Variants in CAP2 observed in about 807,000 individuals in gnomAD.
CAP2 encodes the protein adenylyl cyclase-associated protein 2.
In CAP2, 24 loss-of-function variants were observed where a neutral mutation model predicts 57.7. That is an observed-to-expected ratio of 0.42 (90% CI 0.30 to 0.58). The LOEUF is 0.58. CAP2 is among the 20% of genes least tolerant of loss of function. The pLI is 0.22. For missense variants in CAP2, 501 were observed against 590.3 expected (o/e 0.85, Z 1.57); for synonymous variants, 194 against 207.2 (o/e 0.94, Z 0.55).
chr6:17,517,450 A>G (rs1762296705), intron 7 of CAP2, among the ~76,000 whole-genome samples: 1 of 152,266 alleles, frequency 6.6e-6, no homozygotes, highest in South Asian at 2.1e-4. Context: ...TAAAGTGAAT[A>G]CTTATTATGT....
intron 3 of CAP2, among the ~76,000 whole-genome samples, chr6:17,461,735 G>C (rs187449556): frequency 6.6e-6 from 1 of 151,540 alleles, no homozygotes; most frequent in African/African-American, 2.4e-5. Context: ...GCTCACACCT[G>C]TGATCCCAGC....
intron 9 of CAP2, among the ~76,000 whole-genome samples, chr6:17,541,704 G>A (rs1359082589): frequency 6.8e-6 from 1 of 147,414 alleles, no homozygotes; most frequent in Non-Finnish European, 1.5e-5. Context: ...AAATATTTAA[G>A]ACAGTGTTGT....
intron 4 of CAP2, among the ~76,000 whole-genome samples, chr6:17,500,648 C>G (rs1247143490): frequency 6.6e-6 from 1 of 151,992 alleles, no homozygotes. Context: ...GCAAACTTAA[C>G]AGCCCCTATG....
chr6:17,396,007 A>T (rs1012444435), intron 1 of CAP2, among the ~76,000 whole-genome samples: 1 of 152,214 alleles, frequency 6.6e-6, no homozygotes, highest in African/African-American at 2.4e-5. Context: ...CTGAATAGCT[A>T]TCTCCAAAGA....
chr6:17,481,018 A>G (rs1476163254), intron 4 of CAP2, among the ~76,000 whole-genome samples: 2 of 139,730 alleles, frequency 1.4e-5, no homozygotes, highest in African/African-American at 5.5e-5. Context: ...AGGCTGGTCT[A>G]GAACTCCTGA....
chr6:17,427,158 A>G (rs1413554152), intron 3 of CAP2, among the ~76,000 whole-genome samples: 1 of 152,158 alleles, frequency 6.6e-6, no homozygotes. Context: ...GATGTGGGGA[A>G]GACAGTTCCA....
intron 11 of CAP2, 104 bp from the exon 12 acceptor site, chr6:17,551,360 G>C: frequency 1.0e-6 from 1 of 965,252 alleles, no homozygotes; most frequent in Admixed American, 2.3e-5. Context: ...CTAATGCTTG[G>C]TTAAGCCCAA....
chr6:17,513,746 T>TC lies in CAP2; in HGVS notation c.531-101dup. 1.3e-6 allele frequency: 1 copy of TC among 747,082 alleles called. No individual in the cohort carries two copies. Among genetic ancestry groups the TC allele is most frequent in the Non-Finnish European group, 2.3e-6 (1 of 427,918 alleles). The allele number at this position is 747,082 out of a possible 1,614,324, so 46.3% of individuals were successfully genotyped here. ...GGTTGCAAGGACGATTGCTCCGGGC[T>TC]CCAGGGCCCCTAGTCACTAGATAAC... is the stretch of plus-strand genomic sequence containing the variant. On this transcript the variant is annotated intron_variant, in intron 6 of 12. Coordinates refer to ENST00000229922, the MANE Select transcript of CAP2 (RefSeq NM_006366.3). This position sits in a 1 kb window ranked among gnomAD's most constrained non-coding sequence, Gnocchi z 4.3.
At chr6:17,499,508 A>C (rs1487301699) in intron 4 of CAP2, among the ~76,000 whole-genome samples, 1 of 152,022 alleles carries the variant, frequency 6.6e-6, no homozygotes, top group Non-Finnish European at 1.5e-5. Flanking sequence ...CCTCTGAAAG[A>C]CCAAGTCACC....
chr6:17,455,059 C>T (rs1298072192), intron 3 of CAP2, among the ~76,000 whole-genome samples: 1 of 152,136 alleles, frequency 6.6e-6, no homozygotes, highest in Non-Finnish European at 1.5e-5. Flanking sequence ...AGGCCACCAT[C>T]AAGTGATGGT....
intron 7 of CAP2, among the ~76,000 whole-genome samples, chr6:17,526,956 C>CTAA (rs1762525785): frequency 1.2e-5 from 1 of 80,114 alleles, no homozygotes; most frequent in Non-Finnish European, 2.3e-5. Flanking sequence ...GACTCTGTCT[C>CTAA]AAAAAAAAAA....
At chr6:17,408,129 C>T (rs1759033961) in intron 1 of CAP2, among the ~76,000 whole-genome samples, 1 of 152,080 alleles carries the variant, frequency 6.6e-6, no homozygotes, top group South Asian at 2.1e-4. Flanking sequence ...ATAAAGGATA[C>T]CTGAGACTCA....
intron 6 of CAP2, among the ~76,000 whole-genome samples, chr6:17,510,002 A>T (rs1366154818): frequency 1.3e-5 from 2 of 152,210 alleles, no homozygotes; most frequent in African/African-American, 4.8e-5. Flanking sequence ...ATATTGTATG[A>T]TTACATTTAT....
At chr6:17,480,952 A>ATTTTTTT (rs59581120) in intron 4 of CAP2, among the ~76,000 whole-genome samples, 4 of 70,726 alleles carry the variant, frequency 5.7e-5, no homozygotes, top group East Asian at 4.6e-4. Context: ...CTAATTTTGT[A>ATTTTTTT]TTTTTTTTTT....
In CAP2 at chr6:17,541,113, C is replaced by G. The variant is rs1561821889; in HGVS notation, c.967C>G (p.Pro323Ala). Reference sequence around the variant, plus strand: ...ATCTTATCCTTCTCAAAAACATGCCCCAGTGTTGGAGTTGGAAGGAAAGAA... The same window carrying G: ...ATCTTATCCTTCTCAAAAACATGCCGCAGTGTTGGAGTTGGAAGGAAAGAA... ...PKSYPSQKHAPVLELEGKKWR... is the reference protein window; with the variant it reads ...PKSYPSQKHAAVLELEGKKWR... Residue 323 changes from proline (P) to alanine (A), a missense_variant, in exon 9 of 13, where the codon CCA becomes GCA. Pro to Ala is a conservative substitution (Grantham distance 27, BLOSUM62 -1). Coordinates refer to ENST00000229922, the MANE Select transcript of CAP2 (RefSeq NM_006366.3). The G allele has an allele frequency of 6.2e-7, 1 of 1,613,708 alleles. No homozygotes were observed. The highest frequency in any genetic ancestry group is 8.5e-7 in the Non-Finnish European group (1 of 1,179,784).
intron 7 of CAP2, among the ~76,000 whole-genome samples, chr6:17,529,240 A>C (rs189949889): frequency 6.6e-6 from 1 of 152,342 alleles, no homozygotes; most frequent in Non-Finnish European, 1.5e-5. Flanking sequence ...AAAATTTGCA[A>C]GTTATTATGG....
intron 3 of CAP2, among the ~76,000 whole-genome samples, chr6:17,441,718 C>T (rs1412838592): frequency 6.6e-6 from 1 of 152,176 alleles, no homozygotes; most frequent in Non-Finnish European, 1.5e-5. Flanking sequence ...CTCCTAGGCT[C>T]AAGCAATCCT....
At chr6:17,452,913 G>C (rs1289314456) in intron 3 of CAP2, among the ~76,000 whole-genome samples, 1 of 152,092 alleles carries the variant, frequency 6.6e-6, no homozygotes, top group African/African-American at 2.4e-5. Context: ...CCATAACATT[G>C]CCTGAATAAG....
At chr6:17,421,224 T>C (rs918536219) in intron 1 of CAP2, among the ~76,000 whole-genome samples, 1 of 151,980 alleles carries the variant, frequency 6.6e-6, no homozygotes, top group Non-Finnish European at 1.5e-5. Flanking sequence ...ATAACGGACT[T>C]TGGGGACTTG....
Sources: allele counts gnomAD v4.1 joint callset (sites outside exome capture counted in the v4.1 genomes callset), GRCh38; gene constraint gnomAD v4.1.1; non-coding constraint Gnocchi (gnomAD v3.1); transcripts MANE v1.5; gene names NCBI Gene and HGNC (gene_info 2026-07-23, HGNC 2026-07-21).